Variants in CLDN10 observed in about 807,000 individuals in gnomAD.
CLDN10 encodes the protein claudin-10.
A neutral mutation model predicts 22.9 loss-of-function variants in CLDN10; 15 were observed. The ratio of observed to expected loss-of-function variants is 0.65; its 90% CI spans 0.44 to 1.01. The LOEUF is 1.01. Ranked by LOEUF, CLDN10 falls within the 50% of genes least tolerant of loss-of-function variation. The pLI is 0.00. For synonymous variants in CLDN10, 114 were observed against 111.4 expected (o/e 1.02, Z -0.15); for missense variants, 247 against 287.8 (o/e 0.86, Z 1.03).
intron 1 of CLDN10, among the ~76,000 whole-genome samples, chr13:95,485,076 T>C (rs1012557268): frequency 2.0e-5 from 3 of 151,982 alleles, no homozygotes; most frequent in Non-Finnish European, 2.9e-5. Context: ...CATATGCTCA[T>C]GGCCCAGGGA....
rs199983756 is a variant in CLDN10 at position 95,577,938 on chromosome 13, G to A, written c.611G>A (p.Arg204Gln). Reference protein sequence around the residue: ...YNGATSVMSSRTKYHGGEDFK... With the variant: ...YNGATSVMSSQTKYHGGEDFK... The stretch of plus-strand genomic sequence containing the variant: ...GGGGCCACATCTGTCATGTCTTCTC[G>A]GACAAAGTATCATGGTGGAGAAGAT... The change falls in exon 5 of 5, where the codon CGG becomes CAG. Residue 204 changes from arginine to glutamine, a missense_variant. Physicochemically the swap from Arg to Gln is conservative, Grantham distance 43. Transcript: ENST00000299339. 1.8e-4 allele frequency: 294 copies of A among 1,613,544 alleles called. 3 individuals carry two copies. The highest frequency in any genetic ancestry group is 1.5e-3 in the South Asian group (139 of 91,018).
Position 95,456,403 on chromosome 13 carries a change from G to A in CLDN10, c.214+22356G>A, listed in dbSNP as rs117912640. Among the ~76,000 whole-genome samples the A allele has an allele frequency of 5.4e-3, 826 of 152,124 alleles. 8 individuals carry two copies. The highest frequency in any genetic ancestry group is 0.017 in the Middle Eastern group (5 of 294). ...CCCACTTTTCTCTAAGGAACTCCAG[G>A]AAGCAGAGGTGAAACCCCTGTCCAA... On this transcript the variant is annotated intron_variant, in intron 1 of 4. Coordinates refer to the CLDN10 transcript ENST00000376873.
At chr13:95,463,562 G>A (rs1380936016) in intron 1 of CLDN10, among the ~76,000 whole-genome samples, 1 of 151,164 alleles carries the variant, frequency 6.6e-6, no homozygotes, top group Non-Finnish European at 1.5e-5. Context: ...TGAACTCCTG[G>A]AATCAAGCAA....
chr13:95,435,348 T>C (rs1406114235), intron 1 of CLDN10, among the ~76,000 whole-genome samples: 1 of 152,222 alleles, frequency 6.6e-6, no homozygotes, highest in Non-Finnish European at 1.5e-5. Flanking sequence ...TGAAATAAAA[T>C]TTTAACTAGG....
chr13:95,565,348 C>T lies in CLDN10; in HGVS notation c.464+4885C>T, dbSNP rs538168105. 1.6e-4 allele frequency among the ~76,000 whole-genome samples: 25 copies of T among 152,258 alleles called. 1 individual carries two copies. The South Asian group carries it at 5.2e-3, about 32-fold the overall frequency. ...TCTTTTCAAATCATGCAAAGTTATA[C>T]GACTTAACTGATTGCTCTGGTTGAG... On this transcript the variant is annotated intron_variant, in intron 3 of 4. Coordinates refer to ENST00000299339, the MANE Select transcript of CLDN10 (RefSeq NM_006984.5).
chr13:95,547,762 C>G (rs1027528041), upstream of CLDN10, among the ~76,000 whole-genome samples: 2 of 152,228 alleles, frequency 1.3e-5, no homozygotes, highest in Non-Finnish European at 2.9e-5. Flanking sequence ...CATGCCTTAT[C>G]ACATTTCTCC....
intron 1 of CLDN10, among the ~76,000 whole-genome samples, chr13:95,485,941 C>CCAG (rs1182662412): frequency 1.3e-5 from 2 of 152,174 alleles, no homozygotes; most frequent in East Asian, 3.8e-4. Flanking sequence ...CCAGAATATG[C>CCAG]CAGATTCTGT....
intron 1 of CLDN10, among the ~76,000 whole-genome samples, chr13:95,469,362 T>C (rs1360319624): frequency 6.6e-6 from 1 of 152,216 alleles, no homozygotes; most frequent in East Asian, 1.9e-4. Context: ...CATATTTAAC[T>C]TCACCTTCTA....
chr13:95,459,048 T>C (rs2042509664), intron 1 of CLDN10, among the ~76,000 whole-genome samples: 1 of 152,212 alleles, frequency 6.6e-6, no homozygotes, highest in African/African-American at 2.4e-5. Flanking sequence ...CATTAAATCT[T>C]AGAGCTCCAA....
chr13:95,521,764 G>A (rs1212691944), intron 1 of CLDN10, among the ~76,000 whole-genome samples: 1 of 152,040 alleles, frequency 6.6e-6, no homozygotes, highest in African/African-American at 2.4e-5. Flanking sequence ...GTTCTTACCA[G>A]TAAACCCATC....
intron 1 of CLDN10, among the ~76,000 whole-genome samples, chr13:95,519,685 G>A (rs9302078): frequency 0.39 from 59,439 of 150,778 alleles, 11,861 homozygotes; most frequent in African/African-American, 0.45. Context: ...TCTTAACAGT[G>A]CACCAAGCTG....
At chr13:95,464,882 G>A (rs1231372876) in intron 1 of CLDN10, among the ~76,000 whole-genome samples, 1 of 151,992 alleles carries the variant, frequency 6.6e-6, no homozygotes, top group East Asian at 1.9e-4. Flanking sequence ...CAGGTGTGCA[G>A]CACATGGCTA....
chr13:95,455,897 C>T (rs2042478089), intron 1 of CLDN10, among the ~76,000 whole-genome samples: 1 of 152,222 alleles, frequency 6.6e-6, no homozygotes, highest in African/African-American at 2.4e-5. Context: ...ACAGGTCACA[C>T]TCCCTTACCA....
intron 1 of CLDN10, among the ~76,000 whole-genome samples, chr13:95,436,139 A>G (rs1223283137): frequency 6.6e-6 from 1 of 152,050 alleles, no homozygotes; most frequent in Non-Finnish European, 1.5e-5. Flanking sequence ...AGAGTTAGGC[A>G]TTTTATTATG....
chr13:95,478,700 A>C (rs1240095255), intron 1 of CLDN10, among the ~76,000 whole-genome samples: 1 of 151,990 alleles, frequency 6.6e-6, no homozygotes, highest in East Asian at 1.9e-4. Flanking sequence ...GCTTCCCCCT[A>C]GTGGTGACTT....
chr13:95,435,569 T>C (rs1361202055), intron 1 of CLDN10, among the ~76,000 whole-genome samples: 1 of 152,202 alleles, frequency 6.6e-6, no homozygotes, highest in African/African-American at 2.4e-5. Flanking sequence ...CTCCATGCTA[T>C]GTCTCTCTTC....
rs1434887338 is a variant in CLDN10, at chr13:95,511,163, TG to T, written c.215-48967del. On this transcript the variant is annotated intron_variant, in intron 1 of 4. Transcript: ENST00000376873. ...TTTGACAACCAGTTTTTCAAGAACTTGGTCCAATTTTTTCATACATCTGAAA... is the reference window on the plus strand; with the variant it reads ...TTTGACAACCAGTTTTTCAAGAACTTGTCCAATTTTTTCATACATCTGAAA... 4.6e-5 allele frequency among the ~76,000 whole-genome samples: 7 copies of T among 152,276 alleles called. No individual in the cohort carries two copies. The East Asian group carries it at 9.7e-4, about 21-fold the overall frequency.
intron 1 of CLDN10, among the ~76,000 whole-genome samples, chr13:95,440,418 A>C (rs577516990): frequency 1.4e-4 from 22 of 152,330 alleles, no homozygotes; most frequent in African/African-American, 5.3e-4. Context: ...GCTCATGCTT[A>C]TAGTCCCAGC....
At chr13:95,570,550 C>T (rs1350856863) in intron 3 of CLDN10, among the ~76,000 whole-genome samples, 1 of 152,000 alleles carries the variant, frequency 6.6e-6, no homozygotes, top group Non-Finnish European at 1.5e-5. Context: ...TCACTTTACA[C>T]ACTATTAGAG....
Sources: allele counts gnomAD v4.1 joint callset (sites outside exome capture counted in the v4.1 genomes callset), GRCh38; gene constraint gnomAD v4.1.1; transcripts MANE v1.5; gene names NCBI Gene and HGNC (gene_info 2026-07-23, HGNC 2026-07-21).